Variants in CSMD1 observed in about 807,000 individuals in gnomAD.
CSMD1 encodes CUB and sushi domain-containing protein 1.
CSMD1 carries 213 observed loss-of-function variants against 417.5 expected under a neutral mutation model. The ratio of observed to expected loss-of-function variants is 0.51; its 90% CI spans 0.46 to 0.57. The LOEUF is 0.57. Among genes scored for constraint, CSMD1 ranks in the 20% least tolerant of loss-of-function variants. The pLI is 0.00. For missense variants in CSMD1, 6,923 were observed against 4,529.7 expected (o/e 1.53, Z -15.17); for synonymous variants, 2,862 against 1,736.8 (o/e 1.65, Z -16.11).
intron 3 of CSMD1, among the ~76,000 whole-genome samples, chr8:4,402,245 G>A (rs1048222579): frequency 1.3e-5 from 2 of 152,018 alleles, no homozygotes; most frequent in South Asian, 4.2e-4. Context: ...ATTCCCTCCA[G>A]GAACATCATA....
chr8:4,001,633 C>T (rs189037977), intron 4 of CSMD1, among the ~76,000 whole-genome samples: 1 of 152,084 alleles, frequency 6.6e-6, no homozygotes, highest in African/African-American at 2.4e-5. Flanking sequence ...TTTGAGTCCC[C>T]TGAGTCTAAG....
chr8:3,208,070 T>C (rs1440079071), intron 30 of CSMD1, among the ~76,000 whole-genome samples: 7 of 152,176 alleles, frequency 4.6e-5, no homozygotes, highest in African/African-American at 9.7e-5. Flanking sequence ...AGTTCAAGTT[T>C]TTAAAAAACT....
rs569083913 is a variant in CSMD1, at chr8:4,447,702, C to G, written c.303-27637G>C. 2.6e-5 allele frequency among the ~76,000 whole-genome samples: 4 copies of G among 152,238 alleles called. No individual in the cohort carries two copies. The South Asian group carries it at 8.3e-4, about 32-fold the overall frequency. ...GTGACCTCTTGTTTTAGAAAGTGCA[C>G]TCATAGTTAATAAAACCAAAATTAA... On this transcript the variant is annotated intron_variant, in intron 2 of 69. Transcript: ENST00000635120.
intron 3 of CSMD1, among the ~76,000 whole-genome samples, chr8:4,249,576 C>T (rs919233294): frequency 2.7e-4 from 41 of 152,164 alleles, no homozygotes; most frequent in African/African-American, 9.9e-4. Flanking sequence ...ACCATCTTAG[C>T]TTGAAGCTGT....
intron 1 of CSMD1, among the ~76,000 whole-genome samples, chr8:4,929,247 G>A (rs1021289571): frequency 6.6e-6 from 1 of 152,132 alleles, no homozygotes; most frequent in Non-Finnish European, 1.5e-5. Context: ...GAGAGAGGCT[G>A]CAGAGAAACC....
chr8:3,013,241 T>A (rs548142584), intron 52 of CSMD1, among the ~76,000 whole-genome samples: 11 of 152,120 alleles, frequency 7.2e-5, no homozygotes, highest in Non-Finnish European at 1.3e-4. Flanking sequence ...ATGCAATTAA[T>A]TTTATGTTTG....
chr8:4,424,105 A>C (rs1008237464), intron 2 of CSMD1, among the ~76,000 whole-genome samples: 3 of 152,032 alleles, frequency 2.0e-5, no homozygotes, highest in East Asian at 1.9e-4. Context: ...GGAAAAAAAT[A>C]GGGGAAAGGC....
chr8:3,839,217 A>G (rs1313362588), intron 5 of CSMD1, among the ~76,000 whole-genome samples: 3 of 125,962 alleles, frequency 2.4e-5, no homozygotes, highest in Non-Finnish European at 4.7e-5. Context: ...AAATTAATAT[A>G]TAGTATAATA....
intron 17 of CSMD1, among the ~76,000 whole-genome samples, chr8:3,387,960 T>C (rs755179716): frequency 2.6e-5 from 4 of 152,236 alleles, no homozygotes; most frequent in African/African-American, 9.6e-5. Context: ...TTTACTTTTC[T>C]TCTTGGAAAA....
intron 5 of CSMD1, among the ~76,000 whole-genome samples, chr8:3,918,190 A>C (rs1421069291): frequency 6.6e-6 from 1 of 152,088 alleles, no homozygotes; most frequent in Non-Finnish European, 1.5e-5. Context: ...TCCTGATTTC[A>C]TATTCCTTTG....
chr8:3,398,412 A>C (rs192682691), intron 16 of CSMD1, among the ~76,000 whole-genome samples: 78 of 152,374 alleles, frequency 5.1e-4, no homozygotes, highest in Admixed American at 9.8e-4. Context: ...TTTTGTCAGA[A>C]GCAAGTGAAA....
intron 7 of CSMD1, among the ~76,000 whole-genome samples, chr8:3,686,236 T>A (rs1476424707): frequency 6.6e-6 from 1 of 152,144 alleles, no homozygotes; most frequent in East Asian, 1.9e-4. Flanking sequence ...GTTACTGACT[T>A]CGTGGATAAT....
chr8:4,820,312 G>C (rs1459699740), intron 1 of CSMD1, among the ~76,000 whole-genome samples: 1 of 152,192 alleles, frequency 6.6e-6, no homozygotes, highest in Non-Finnish European at 1.5e-5. Context: ...GTGCGCCATA[G>C]AAGCCTGAGT....
At chr8:4,493,571 G>A (rs1042406421) in intron 2 of CSMD1, among the ~76,000 whole-genome samples, 1 of 152,108 alleles carries the variant, frequency 6.6e-6, no homozygotes, top group African/African-American at 2.4e-5. Flanking sequence ...AATGGGGCAT[G>A]CACCTGTAGT....
At chr8:4,820,813 T>G (rs1384881825) in intron 1 of CSMD1, among the ~76,000 whole-genome samples, 1 of 152,216 alleles carries the variant, frequency 6.6e-6, no homozygotes, top group East Asian at 1.9e-4. Context: ...ATGAAGACAG[T>G]AACTGTAATA....
chr8:3,380,274 C>G lies in CSMD1; in HGVS notation c.2782+7220G>C, dbSNP rs2116767443. Among the ~76,000 whole-genome samples, 3 of 152,258 alleles carry G rather than the reference C, an allele frequency of 2.0e-5. 1 individual carries two copies. The highest frequency in any genetic ancestry group is 2.0e-4 in the Admixed American group (3 of 15,294). On this transcript the variant is annotated intron_variant, in intron 18 of 69. Coordinates refer to ENST00000635120, the MANE Select transcript of CSMD1 (RefSeq NM_033225.6). ...GAGAGGCTGTGGAGAAACAGGAACA[C>G]TTTTACACTGTTGGTGGGAGTGTAA...
intron 2 of CSMD1, among the ~76,000 whole-genome samples, chr8:4,468,357 T>C (rs1036258085): frequency 6.6e-6 from 1 of 152,200 alleles, no homozygotes; most frequent in Non-Finnish European, 1.5e-5. Flanking sequence ...ACAAAACCTT[T>C]TAAAAACCAT....
chr8:2,958,561 G>A (rs767050268), intron 62 of CSMD1, among the ~76,000 whole-genome samples: 7 of 152,194 alleles, frequency 4.6e-5, no homozygotes, highest in Non-Finnish European at 8.8e-5. Flanking sequence ...TTTAGAGAAT[G>A]AGCTATGGTC....
chr8:3,357,587 T>C lies in CSMD1; in HGVS notation c.3304+1565A>G, dbSNP rs181831058. ...GTAAAGATAATGACTCTGGATGAAA[T>C]AGAATAACATTTAATGGGTCTTAAT... On this transcript the variant is annotated intron_variant, in intron 21 of 69. Coordinates refer to ENST00000635120, the MANE Select transcript of CSMD1 (RefSeq NM_033225.6). 2.0e-3 allele frequency among the ~76,000 whole-genome samples: 302 copies of C among 152,232 alleles called. 3 individuals are homozygous for C. The highest frequency in any genetic ancestry group is 0.019 in the South Asian group (92 of 4,816).
Sources: allele counts gnomAD v4.1 joint callset (sites outside exome capture counted in the v4.1 genomes callset), GRCh38; gene constraint gnomAD v4.1.1; transcripts MANE v1.5; gene names NCBI Gene and HGNC (gene_info 2026-07-23, HGNC 2026-07-21).